Variants in SNAP47 observed in about 807,000 individuals in gnomAD.
The protein encoded by SNAP47 is synaptosomal-associated protein 47.
In SNAP47, 20 loss-of-function variants were observed where a neutral mutation model predicts 31.4. The observed-to-expected ratio is 0.64, with a 90% CI of 0.45 to 0.93. The LOEUF (loss-of-function observed/expected upper bound fraction) is 0.93. Ranked by LOEUF, SNAP47 falls within the 40% of genes least tolerant of loss-of-function variation. The pLI, the probability that SNAP47 is intolerant of heterozygous loss-of-function variation, is 0.00. For synonymous variants in SNAP47, 194 were observed against 213.4 expected, an observed-to-expected ratio of 0.91 and a Z score of 0.79; for missense variants, 492 against 528.5, an observed-to-expected ratio of 0.93 and a Z score of 0.68.
rs1664417194 is a variant in SNAP47, at chr1:227,780,768, T to A, written c.*95T>A. ...CCAGGGCTGCAGAGGCCTGTGGCCC[T>A]CCGGAGTGGTCTTCCTCTGGATGGG... On this transcript the variant is annotated 3_prime_UTR_variant, in exon 5 of 5. Coordinates refer to ENST00000617596, the MANE Select transcript of SNAP47 (RefSeq NM_053052.4). The A allele has an allele frequency of 6.5e-7, 1 of 1,531,820 alleles. No homozygotes were observed. Among genetic ancestry groups the A allele is most frequent in the Non-Finnish European group, 8.8e-7 (1 of 1,132,690 alleles). The allele number at this position is 1,531,820 out of a possible 1,614,324, so 94.9% of individuals were successfully genotyped here.
At chr1:227,776,191 A>C in intron 4 of SNAP47, 1 of 1,110,808 alleles carries the variant, frequency 9.0e-7, no homozygotes, top group Non-Finnish European at 1.1e-6. Context: ...GGGTCTGGCC[A>C]GGCATCCACT....
intron 4 of SNAP47, among the ~76,000 whole-genome samples, chr1:227,771,774 C>T (rs888939351): frequency 4.0e-5 from 6 of 151,542 alleles, no homozygotes; most frequent in African/African-American, 1.5e-4. Context: ...CTGGGCTGAG[C>T]AGGGCCCATG....
intron 1 of SNAP47, among the ~76,000 whole-genome samples, chr1:227,744,450 T>C (rs1216685284): frequency 6.6e-6 from 1 of 152,170 alleles, no homozygotes; most frequent in East Asian, 1.9e-4. Flanking sequence ...GCGTAGAAGT[T>C]AAATTCATTG....
chr1:227,728,610 G>C (rs1241755505), upstream of SNAP47: 3 of 126,362 alleles, frequency 2.4e-5, no homozygotes, highest in East Asian at 7.2e-4. Flanking sequence ...CCCCAACCTA[G>C]TGCCCGACAG....
intron 1 of SNAP47, among the ~76,000 whole-genome samples, chr1:227,745,113 T>C (rs1661877659): frequency 6.6e-6 from 1 of 152,240 alleles, no homozygotes; most frequent in African/African-American, 2.4e-5. Context: ...AGCTGAAATT[T>C]AGTTCTGGTA....
chr1:227,754,902 C>T (rs747561156), intron 2 of SNAP47, among the ~76,000 whole-genome samples: 3 of 152,202 alleles, frequency 2.0e-5, no homozygotes, highest in African/African-American at 2.4e-5. Context: ...TTCTTTAGAA[C>T]GCTAAACTAG....
At position 227,762,817 on chromosome 1, in the gene SNAP47, G is replaced by T. The variant is rs1221864486; in HGVS notation, c.988+3332G>T. On this transcript the variant is annotated intron_variant, in intron 3 of 4. Coordinates refer to ENST00000617596, the MANE Select transcript of SNAP47 (RefSeq NM_053052.4). The surrounding 1 kb of genome is among the most constrained non-coding windows in gnomAD (Gnocchi z 4.2). ...CTTCTGACAGCCTTCTGGAGGCTGG[G>T]CCAGGGCTTGCACAGCAGCCTCTGT... Among the ~76,000 whole-genome samples the T allele has an allele frequency of 1.3e-5, 2 of 152,214 alleles. No homozygotes were observed. The highest frequency in any genetic ancestry group is 2.9e-5 in the Non-Finnish European group (2 of 68,044).
At chr1:227,766,319 G>A (rs67502955) in intron 3 of SNAP47, among the ~76,000 whole-genome samples, 3 of 152,210 alleles carry the variant, frequency 2.0e-5, no homozygotes, top group African/African-American at 7.2e-5. Flanking sequence ...GCCCCGGGGT[G>A]TCAAGGCTGC....
At chr1:227,746,549 AGT>A (rs1661975062) in intron 1 of SNAP47, 1 of 152,146 alleles carries the variant, frequency 6.6e-6, no homozygotes, top group Non-Finnish European at 1.5e-5. Context: ...GGCTCTTAAG[AGT>A]GTAACTGCAT....
At chr1:227,769,106 C>T (rs903079360) in intron 4 of SNAP47, among the ~76,000 whole-genome samples, 3 of 152,186 alleles carry the variant, frequency 2.0e-5, no homozygotes, top group Admixed American at 6.5e-5. Context: ...GGTGACTGCA[C>T]GGAGCTGAGG....
rs1036810784 is a variant in SNAP47 at position 227,777,109 on chromosome 1, T to A, written c.1114-3418T>A. On this transcript the variant is annotated intron_variant, in intron 4 of 4. Transcript: ENST00000617596. ...AAAGGCATGAATTTGATGTCTTTTT[T>A]AAAAAAAAAAGTTATTTTATTTTCT... 123 of 836,094 alleles carry A rather than the reference T, an allele frequency of 1.5e-4. 1 individual carries two copies. The highest frequency in any genetic ancestry group is 2.5e-4 in the East Asian group (2 of 8,120). The allele number at this position is 836,094 out of a possible 1,614,324, so 51.8% of individuals were successfully genotyped here.
Position 227,747,694 on chromosome 1 carries a change from G to T in SNAP47, c.-43G>T, listed in dbSNP as rs763981209. The T allele has an allele frequency of 5.7e-6, 9 of 1,587,996 alleles. No homozygotes were observed. Among genetic ancestry groups the T allele is most frequent in the Non-Finnish European group, 6.0e-6 (7 of 1,162,716 alleles). ...CGTTACTGTCTCTTCTCCTTCAGAG[G>T]CAGAAGAGGCCTGGACCTTGGCGCA... On this transcript the variant is annotated splice_region_variant and 5_prime_UTR_variant, in exon 2 of 5. Coordinates refer to ENST00000617596, the MANE Select transcript of SNAP47 (RefSeq NM_053052.4).
intron 4 of SNAP47, among the ~76,000 whole-genome samples, chr1:227,773,764 G>A (rs564037196): frequency 1.3e-5 from 2 of 152,310 alleles, no homozygotes; most frequent in Admixed American, 6.5e-5. Flanking sequence ...CTGCAGCTTG[G>A]GGGGGTGTGC....
intron 2 of SNAP47, among the ~76,000 whole-genome samples, chr1:227,751,323 C>G (rs1269830274): frequency 6.6e-6 from 1 of 152,228 alleles, no homozygotes; most frequent in Middle Eastern, 3.2e-3. Flanking sequence ...GTCCCACTAC[C>G]TGTCCTGGCC....
intron 3 of SNAP47, among the ~76,000 whole-genome samples, chr1:227,764,085 C>T (rs902585293): frequency 2.0e-5 from 3 of 152,212 alleles, no homozygotes; most frequent in Non-Finnish European, 2.9e-5. Context: ...TTCCTACTCC[C>T]GGACAGTCGA....
chr1:227,753,923 G>T lies in SNAP47; in HGVS notation c.498-5072G>T, dbSNP rs1458070237. 2.0e-5 allele frequency among the ~76,000 whole-genome samples: 3 copies of T among 152,270 alleles called. No individual in the cohort carries two copies. In the East Asian group the frequency reaches 5.8e-4, roughly 30 times the overall value. ...AGCCCCAGTGGGTGTGTGCTACCAT[G>T]TGCTCTTTTAGTTTAGCCATCTGTA... On this transcript the variant is annotated intron_variant, in intron 2 of 4. Coordinates refer to ENST00000617596, the MANE Select transcript of SNAP47 (RefSeq NM_053052.4).
intron 4 of SNAP47, among the ~76,000 whole-genome samples, chr1:227,770,382 C>T (rs959919802): frequency 5.9e-5 from 9 of 152,170 alleles, no homozygotes; most frequent in African/African-American, 2.2e-4. Context: ...ATGTGGGGAG[C>T]CAGGTGTTTC....
At chr1:227,756,209 T>C (rs1328611188) in intron 2 of SNAP47, among the ~76,000 whole-genome samples, 2 of 152,158 alleles carry the variant, frequency 1.3e-5, no homozygotes, top group Non-Finnish European at 1.5e-5. Context: ...GGTAAAGTAA[T>C]AGGAAAGAAA....
intron 1 of SNAP47, among the ~76,000 whole-genome samples, chr1:227,742,067 G>C (rs74773603): frequency 2.0e-5 from 3 of 149,714 alleles, no homozygotes; most frequent in Non-Finnish European, 4.4e-5. Flanking sequence ...TTTAGGGTAC[G>C]TGTGCACAAT....
Sources: allele counts gnomAD v4.1 joint callset (sites outside exome capture counted in the v4.1 genomes callset), GRCh38; gene constraint gnomAD v4.1.1; non-coding constraint Gnocchi (gnomAD v3.1); transcripts MANE v1.5; gene names NCBI Gene and HGNC (gene_info 2026-07-23, HGNC 2026-07-21).